The following ADAM18 variants were observed in gnomAD, a reference collection of about 807,000 sequenced individuals.
ADAM18 encodes the protein ADAM metallopeptidase domain 18, also known as disintegrin and metalloproteinase domain-containing protein 18.
A neutral mutation model predicts 94.4 loss-of-function variants in ADAM18; 117 were observed. The ratio of observed to expected loss-of-function variants is 1.24; its 90% CI spans 1.07 to 1.45. The LOEUF (loss-of-function observed/expected upper bound fraction) is 1.45. Ranked by LOEUF, ADAM18 falls within the 40% of genes most tolerant of loss-of-function variation. The pLI, the probability that ADAM18 is intolerant of heterozygous loss-of-function variation, is 0.00. For missense variants in ADAM18, 936 were observed against 880.0 expected (o/e 1.06, Z -0.81); for synonymous variants, 327 against 291.6 (o/e 1.12, Z -1.24).
intron 7 of ADAM18, 91 bp downstream of exon 7, chr8:39,629,530 T>C: frequency 1.2e-6 from 1 of 822,740 alleles, no homozygotes; most frequent in Non-Finnish European, 1.9e-6. Flanking sequence ...TTCTTCCTTT[T>C]CTCTCTTCCT....
chr8:39,723,655 T>TTATATATATACACG, intron 18 of ADAM18, 93 bp from the exon 19 acceptor site: 1 of 910,066 alleles, frequency 1.1e-6, no homozygotes, highest in Non-Finnish European at 1.5e-6. Context: ...TAAAACTTCA[T>TTATATATATACACG]TATATATACA....
chr8:39,711,798 G>A (rs1267017108), intron 18 of ADAM18, among the ~76,000 whole-genome samples: 1 of 151,918 alleles, frequency 6.6e-6, no homozygotes, highest in Non-Finnish European at 1.5e-5. Context: ...TTCTCATTTT[G>A]TGAGTACCAT....
intron 10 of ADAM18, among the ~76,000 whole-genome samples, chr8:39,644,209 C>G (rs1820315481): frequency 6.6e-6 from 1 of 151,860 alleles, no homozygotes; most frequent in Non-Finnish European, 1.5e-5. Context: ...ATTTATTTAT[C>G]AAAGATAAAT....
intron 10 of ADAM18, among the ~76,000 whole-genome samples, chr8:39,644,182 C>A (rs1028356736): frequency 6.6e-6 from 1 of 151,770 alleles, no homozygotes; most frequent in Non-Finnish European, 1.5e-5. Flanking sequence ...GATTAAAGAG[C>A]TAAGAAATAT....
At chr8:39,705,182 G>C (rs555504752) in intron 17 of ADAM18, among the ~76,000 whole-genome samples, 3 of 152,136 alleles carry the variant, frequency 2.0e-5, no homozygotes. Context: ...ACAGAATATT[G>C]TAAGGTTATC....
chr8:39,636,717 G>A (rs1820083590), intron 7 of ADAM18, among the ~76,000 whole-genome samples: 1 of 151,462 alleles, frequency 6.6e-6, no homozygotes, highest in African/African-American at 2.4e-5. Context: ...TTGTACATTA[G>A]GTCTCTAGAC....
intron 3 of ADAM18, among the ~76,000 whole-genome samples, chr8:39,606,898 G>A (rs1280065343): frequency 6.6e-6 from 1 of 152,122 alleles, no homozygotes; most frequent in Non-Finnish European, 1.5e-5. Flanking sequence ...GTGCTCAGTG[G>A]GGGAACTTCT....
intron 17 of ADAM18, among the ~76,000 whole-genome samples, chr8:39,696,598 C>A (rs993143123): frequency 6.6e-6 from 1 of 151,454 alleles, no homozygotes; most frequent in Non-Finnish European, 1.5e-5. Flanking sequence ...TGGATATACA[C>A]TTTTCCCAGC....
intron 14 of ADAM18, among the ~76,000 whole-genome samples, chr8:39,669,588 G>GT (rs1563299454): frequency 6.6e-6 from 1 of 150,778 alleles, no homozygotes; most frequent in Non-Finnish European, 1.5e-5. Context: ...CCTTGCCATA[G>GT]TTTGCTGAGA....
At chr8:39,594,696 T>C (rs972297548) in intron 2 of ADAM18, among the ~76,000 whole-genome samples, 10 of 151,860 alleles carry the variant, frequency 6.6e-5, no homozygotes, top group Non-Finnish European at 8.8e-5. Flanking sequence ...TGTTTTTTTT[T>C]CCCTAATGGG....
intron 19 of ADAM18, among the ~76,000 whole-genome samples, chr8:39,727,797 G>T: frequency 6.6e-6 from 1 of 152,098 alleles, no homozygotes; most frequent in East Asian, 1.9e-4. Flanking sequence ...TTCCAAAACT[G>T]CTTCCAGATT....
At chr8:39,620,644 A>G (rs1819589718) in intron 6 of ADAM18, among the ~76,000 whole-genome samples, 1 of 147,364 alleles carries the variant, frequency 6.8e-6, no homozygotes, top group Admixed American at 6.8e-5. Context: ...ATATATTTAT[A>G]TATTGTTATA....
intron 14 of ADAM18, among the ~76,000 whole-genome samples, chr8:39,670,503 A>T (rs1821124595): frequency 6.6e-6 from 1 of 152,200 alleles, no homozygotes; most frequent in Admixed American, 6.5e-5. Flanking sequence ...GCATTCTTTT[A>T]TTAAGTAAAT....
chr8:39,666,666 G>A (rs1820999202), intron 13 of ADAM18, among the ~76,000 whole-genome samples: 1 of 152,196 alleles, frequency 6.6e-6, no homozygotes, highest in Non-Finnish European at 1.5e-5. Context: ...GACAAGAGAA[G>A]AGAGCTTGTG....
intron 18 of ADAM18, among the ~76,000 whole-genome samples, chr8:39,714,491 A>G (rs187685592): frequency 1.3e-5 from 2 of 152,206 alleles, no homozygotes; most frequent in African/African-American, 2.4e-5. Flanking sequence ...AATTTAATAA[A>G]CAAGACCAAA....
chr8:39,600,232 A>G (rs4276652), intron 2 of ADAM18, among the ~76,000 whole-genome samples: 136,722 of 152,176 alleles, frequency 0.9, 61,632 homozygotes, highest in Middle Eastern at 0.98. Flanking sequence ...AGTTTTATGG[A>G]TTATGGCTTT....
At chr8:39,602,097 G>C (rs917696290) in intron 2 of ADAM18, among the ~76,000 whole-genome samples, 3 of 151,996 alleles carry the variant, frequency 2.0e-5, no homozygotes, top group Non-Finnish European at 4.4e-5. Context: ...TCCACCTCTT[G>C]GCTATTGTTA....
intron 2 of ADAM18, among the ~76,000 whole-genome samples, chr8:39,586,976 G>A (rs907645083): frequency 2.6e-5 from 4 of 152,112 alleles, no homozygotes; most frequent in Admixed American, 2.6e-4. Context: ...GTATTCATTC[G>A]TTGTCTACAC....
rs769952626 is a variant in ADAM18, at chr8:39,609,487, G to T, written c.270G>T (p.Met90Ile). 2.5e-6 allele frequency: 4 copies of T among 1,609,304 alleles called. No individual in the cohort carries two copies. Among genetic ancestry groups the T allele is most frequent in the Non-Finnish European group, 2.5e-6 (3 of 1,176,856 alleles). The change falls in exon 5 of 20, where the codon ATG becomes ATT. Residue 90 changes from methionine (M) to isoleucine (I), a missense_variant and splice_region_variant. Physicochemically the swap from Met to Ile is conservative, Grantham distance 10 (BLOSUM62 1). Coordinates refer to ENST00000265707, the MANE Select transcript of ADAM18 (RefSeq NM_014237.3). Reference sequence around the variant, plus strand: ...TGCCTTTCTATACTGTTTTTCAGATGCATTGCCATTACCAAGGATATGCTG... The same window carrying T: ...TGCCTTTCTATACTGTTTTTCAGATTCATTGCCATTACCAAGGATATGCTG... ...SLHSVSPYFM[M>I]HCHYQGYAAE...
Sources: gnomAD v4.1 joint callset for allele counts (sites outside exome capture counted in the v4.1 genomes callset) on GRCh38, gnomAD v4.1.1 for gene constraint, MANE v1.5 for transcripts, NCBI Gene and HGNC (gene_info 2026-07-23, HGNC 2026-07-21) for gene names.